ANXA3: variants seen among roughly 807,000 people sequenced by gnomAD.
The protein encoded by ANXA3 is 35-alpha calcimedin.
A neutral mutation model predicts 48.8 loss-of-function variants in ANXA3; 46 were observed. That is an observed-to-expected ratio of 0.94 (90% CI 0.74 to 1.21). The LOEUF is 1.21. ANXA3 is among the 50% of genes most tolerant of loss of function. The pLI is 0.00. For missense variants in ANXA3, 383 were observed against 378.6 expected (o/e 1.01, Z -0.10); for synonymous variants, 128 against 134.7 (o/e 0.95, Z 0.35).
rs548006313 is a variant in ANXA3, at chr4:78,573,502, C to T, written c.103+235C>T. Among the ~76,000 whole-genome samples the T allele has an allele frequency of 4.6e-5, 7 of 152,204 alleles. No individual in the cohort carries two copies. The East Asian group carries it at 5.8e-4, about 13-fold the overall frequency. Reference sequence around the variant, plus strand: ...TGATACTAGTGGTCTAGGGGAGATCCCCAAATGCCGGGGGAATCTCAACCC... The same window carrying T: ...TGATACTAGTGGTCTAGGGGAGATCTCCAAATGCCGGGGGAATCTCAACCC... On this transcript the variant is annotated intron_variant, in intron 3 of 12. Coordinates refer to ENST00000264908, the MANE Select transcript of ANXA3 (RefSeq NM_005139.3).
At chr4:78,582,958 A>G (rs1206966751) in intron 5 of ANXA3, among the ~76,000 whole-genome samples, 1 of 152,184 alleles carries the variant, frequency 6.6e-6, no homozygotes, top group Non-Finnish European at 1.5e-5. Flanking sequence ...GCTCCTGTCT[A>G]ACTCTGTGGC....
chr4:78,575,858 G>A (rs530756102), intron 3 of ANXA3, among the ~76,000 whole-genome samples: 16 of 150,906 alleles, frequency 1.1e-4, no homozygotes, highest in South Asian at 4.2e-4. Context: ...TTTATTTTTC[G>A]TATTATGATC....
intron 2 of ANXA3, among the ~76,000 whole-genome samples, chr4:78,556,910 A>T (rs2109923286): frequency 6.6e-6 from 1 of 152,322 alleles, no homozygotes; most frequent in East Asian, 1.9e-4. Context: ...TCAAGGGTGT[A>T]TTCATTTCCT....
At chr4:78,571,037 G>C (rs540000342) in intron 2 of ANXA3, 1 of 151,176 alleles carries the variant, frequency 6.6e-6, no homozygotes, top group African/African-American at 2.4e-5. Flanking sequence ...TGTGAGACAC[G>C]GTCTCACTCT....
At chr4:78,576,708 G>A (rs1209472180) in intron 3 of ANXA3, among the ~76,000 whole-genome samples, 1 of 152,058 alleles carries the variant, frequency 6.6e-6, no homozygotes, top group African/African-American at 2.4e-5. Context: ...TTGCACTTTG[G>A]CTTACAGGCC....
At position 78,577,427 on chromosome 4, in the gene ANXA3, A is replaced by G. The variant is rs547083300; in HGVS notation, c.104-1600A>G. Among the ~76,000 whole-genome samples the G allele has an allele frequency of 2.0e-4, 31 of 152,330 alleles. No individual in the cohort carries two copies. In the South Asian group the frequency reaches 5.4e-3, roughly 26 times the overall value. On this transcript the variant is annotated intron_variant, in intron 3 of 12. Coordinates refer to ENST00000264908, the MANE Select transcript of ANXA3 (RefSeq NM_005139.3). ...TTCCACCCAGAATGTGCTGAGTTTC[A>G]GATACTTGTGCAGTTGTGGTGGCCG...
intron 4 of ANXA3, 130 bp from the exon 5 acceptor site, chr4:78,582,047 C>A: frequency 1.7e-6 from 1 of 598,902 alleles, no homozygotes. Context: ...ATTTTCAACA[C>A]TTCTGTTTAT....
intron 2 of ANXA3, among the ~76,000 whole-genome samples, chr4:78,570,875 A>G (rs1444913670): frequency 6.6e-6 from 1 of 152,258 alleles, no homozygotes; most frequent in Admixed American, 6.5e-5. Flanking sequence ...GGTAAGATCA[A>G]CACAAAAGTT....
intron 6 of ANXA3, among the ~76,000 whole-genome samples, chr4:78,589,735 C>A (rs1723251665): frequency 6.6e-6 from 1 of 152,144 alleles, no homozygotes; most frequent in African/African-American, 2.4e-5. Context: ...GTCACTCGCT[C>A]CCTAAGAGAG....
At chr4:78,599,731 A>G (rs549598380) in intron 10 of ANXA3, among the ~76,000 whole-genome samples, 24 of 152,158 alleles carry the variant, frequency 1.6e-4, no homozygotes, top group African/African-American at 5.1e-4. Flanking sequence ...TTTCCATTTT[A>G]TATTGTTAAT....
chr4:78,594,707 A>G (rs559587438), intron 7 of ANXA3, among the ~76,000 whole-genome samples: 1 of 152,340 alleles, frequency 6.6e-6, no homozygotes, highest in South Asian at 2.1e-4. Context: ...TCTTTCAACC[A>G]TTTTTAAATT....
intron 10 of ANXA3, among the ~76,000 whole-genome samples, chr4:78,601,266 G>A (rs1013139800): frequency 1.3e-5 from 2 of 152,144 alleles, no homozygotes; most frequent in Admixed American, 1.3e-4. Flanking sequence ...TTCTTTGGCA[G>A]GTAATTTTAT....
intron 2 of ANXA3, among the ~76,000 whole-genome samples, chr4:78,559,803 A>G (rs890273732): frequency 3.9e-5 from 6 of 152,244 alleles, no homozygotes; most frequent in Admixed American, 3.9e-4. Flanking sequence ...AATAGTGCTT[A>G]TCTCATCTAC....
intron 10 of ANXA3, among the ~76,000 whole-genome samples, chr4:78,598,181 A>G: frequency 6.8e-6 from 1 of 146,662 alleles, no homozygotes; most frequent in South Asian, 2.1e-4. Flanking sequence ...TAAAAAAACC[A>G]CACACACACA....
chr4:78,553,109 G>C (rs1034769727), intron 1 of ANXA3, among the ~76,000 whole-genome samples: 1 of 152,136 alleles, frequency 6.6e-6, no homozygotes, highest in Non-Finnish European at 1.5e-5. Flanking sequence ...TGTCAGATTT[G>C]GTCAGGTGTG....
rs548101724 is a variant in ANXA3 at position 78,559,266 on chromosome 4, A to G, written c.15+4778A>G. On this transcript the variant is annotated intron_variant, in intron 2 of 12. Transcript: ENST00000264908. ...CAGCTAATTTTTAAAATTTTTTTAT[A>G]GAGATGGGAATTCACTGTGTTGCCC... is the stretch of plus-strand genomic sequence containing the variant. Among the ~76,000 whole-genome samples, 7 of 152,146 alleles carry G rather than the reference A, an allele frequency of 4.6e-5. No individual in the cohort carries two copies. The East Asian group carries it at 1.4e-3, about 29-fold the overall frequency.
chr4:78,598,994 A>T (rs1723483695), intron 10 of ANXA3, among the ~76,000 whole-genome samples: 1 of 152,190 alleles, frequency 6.6e-6, no homozygotes. Flanking sequence ...AATGTATTAC[A>T]TTTGGGCTAT....
chr4:78,567,032 A>T (rs1292827135), intron 2 of ANXA3, among the ~76,000 whole-genome samples: 2 of 152,132 alleles, frequency 1.3e-5, no homozygotes, highest in East Asian at 3.9e-4. Context: ...GCTGCAGAGC[A>T]TGCCTGCGGT....
chr4:78,557,122 G>T (rs1477005353), intron 2 of ANXA3, among the ~76,000 whole-genome samples: 1 of 152,162 alleles, frequency 6.6e-6, no homozygotes, highest in East Asian at 1.9e-4. Flanking sequence ...TTAGTTCCTT[G>T]TAGTTGTCGA....
Sources: gnomAD v4.1 joint callset for allele counts (sites outside exome capture counted in the v4.1 genomes callset) on GRCh38, gnomAD v4.1.1 for gene constraint, MANE v1.5 for transcripts, NCBI Gene and HGNC (gene_info 2026-07-23, HGNC 2026-07-21) for gene names.